Variants in SLC13A3 observed in about 807,000 individuals in gnomAD.
The protein encoded by SLC13A3 is Na(+)/dicarboxylate cotransporter 3.
In SLC13A3, 40 loss-of-function variants were observed where a neutral mutation model predicts 59.0. The ratio of observed to expected loss-of-function variants is 0.68; its 90% confidence interval spans 0.53 to 0.88. The LOEUF is 0.88. Among genes scored for constraint, SLC13A3 ranks in the 40% least tolerant of loss-of-function variants. The pLI, the probability that SLC13A3 is intolerant of heterozygous loss-of-function variation, is 0.00. For synonymous variants in SLC13A3, 317 were observed against 330.3 expected (o/e 0.96, Z 0.44); for missense variants, 699 against 783.2 (o/e 0.89, Z 1.28).
chr20:46,666,340 A>G (rs532948768), intron 1 of SLC13A3, among the ~76,000 whole-genome samples: 7 of 152,326 alleles, frequency 4.6e-5, no homozygotes, highest in African/African-American at 1.4e-4. Context: ...AACAGACAGA[A>G]AAGGGTTTGG....
At chr20:46,575,764 T>C (rs1038385656) in intron 9 of SLC13A3, 79 bp from the exon 10 acceptor site, 17 of 787,548 alleles carry the variant, frequency 2.2e-5, no homozygotes, top group Non-Finnish European at 2.1e-5. Context: ...AGCCCCATCT[T>C]ACCGGGGACA....
Position 46,588,091 on chromosome 20 carries a change from G to C in SLC13A3, c.1089C>G (p.Phe363Leu). 6.2e-7 allele frequency: 1 copy of C among 1,612,524 alleles called. No homozygotes were observed. The highest frequency in any genetic ancestry group is 8.5e-7 in the Non-Finnish European group (1 of 1,179,048). The change falls in exon 8 of 13, where the codon TTC becomes TTG. Residue 363 changes from phenylalanine (F) to leucine (L), a missense_variant. By Grantham distance (22) the Phe-to-Leu change is conservative (BLOSUM62 0). Transcript: ENST00000279027. ...TGAAGAGGCTGGCCCAGCCAGGGAT[G>C]AACTTCGGGTCCCGGGTGAAGAGGA... is the stretch of plus-strand genomic sequence containing the variant. Reference protein sequence around the residue: ...AILLFTRDPKFIPGWASLFNP... With the variant: ...AILLFTRDPKLIPGWASLFNP...
At chr20:46,583,791 A>T in intron 8 of SLC13A3, 122 bp from the exon 9 acceptor site, 5 of 1,492,180 alleles carry the variant, frequency 3.4e-6, no homozygotes, top group Non-Finnish European at 4.5e-6. Flanking sequence ...CCATTGTTGG[A>T]GGCTGGGCCA....
At chr20:46,604,287 G>A (rs987216279) in intron 3 of SLC13A3, among the ~76,000 whole-genome samples, 2 of 152,008 alleles carry the variant, frequency 1.3e-5, no homozygotes, top group African/African-American at 4.8e-5. Context: ...CCTGTCCTGG[G>A]TTCCTTTTAA....
In SLC13A3 at chr20:46,560,172, C is replaced by T; in HGVS notation, c.1659G>A (p.Leu553=). 6.2e-7 allele frequency: 1 copy of T among 1,614,158 alleles called. No homozygotes were observed. The highest frequency in any genetic ancestry group is 8.5e-7 in the Non-Finnish European group (1 of 1,180,010). The stretch of plus-strand genomic sequence containing the variant: ...CCAAACTGAGCAGCAGGACACCCAT[C>T]AGGTTCATCAGGAGGCCTGTCCGCA... ...DMVRTGLLMN[L]MGVLLLSLAM... Residue 553 remains leucine, a synonymous_variant, in exon 13 of 13, where the codon CTG becomes CTA. Coordinates refer to ENST00000279027, the MANE Select transcript of SLC13A3 (RefSeq NM_022829.6).
At chr20:46,647,272 A>T (rs2062904529) in intron 1 of SLC13A3, among the ~76,000 whole-genome samples, 1 of 152,068 alleles carries the variant, frequency 6.6e-6, no homozygotes, top group Non-Finnish European at 1.5e-5. Context: ...CTTTAGAGTC[A>T]CCTGTGAGTC....
chr20:46,621,952 C>T (rs750734979), intron 1 of SLC13A3, among the ~76,000 whole-genome samples: 14 of 152,194 alleles, frequency 9.2e-5, no homozygotes, highest in Admixed American at 2.0e-4. Context: ...AAATCCTCCA[C>T]AACTTATGCT....
chr20:46,584,321 A>G (rs953783500), intron 8 of SLC13A3: 9 of 985,296 alleles, frequency 9.1e-6, no homozygotes, highest in Admixed American at 1.2e-4. Flanking sequence ...TACAAATACA[A>G]CCAAGATACC....
intron 1 of SLC13A3, among the ~76,000 whole-genome samples, chr20:46,617,092 A>G (rs1325751012): frequency 6.6e-6 from 1 of 152,256 alleles, no homozygotes; most frequent in Non-Finnish European, 1.5e-5. Flanking sequence ...CTAGGAGAGC[A>G]GGGATTGTGT....
At chr20:46,648,712 CT>C (rs2062919872) in intron 1 of SLC13A3, among the ~76,000 whole-genome samples, 1 of 152,096 alleles carries the variant, frequency 6.6e-6, no homozygotes, top group Admixed American at 6.5e-5. Context: ...TGAGACCAGC[CT>C]GGGTGACATA....
At chr20:46,583,466 A>T in intron 9 of SLC13A3, 106 bp downstream of exon 9, 1 of 1,514,330 alleles carries the variant, frequency 6.6e-7, no homozygotes. Context: ...GAGAAGCAGG[A>T]AGGACCACGT....
chr20:46,562,395 T>C (rs1204692805), intron 12 of SLC13A3, among the ~76,000 whole-genome samples: 2 of 152,068 alleles, frequency 1.3e-5, no homozygotes, highest in East Asian at 3.9e-4. Flanking sequence ...TGCTGTGCCC[T>C]CCATTGGGAC....
intron 1 of SLC13A3, among the ~76,000 whole-genome samples, chr20:46,649,654 A>G (rs2062933790): frequency 6.6e-6 from 1 of 152,216 alleles, no homozygotes; most frequent in Admixed American, 6.5e-5. Context: ...CTAGCGGTGT[A>G]ATCGCTCCAC....
upstream of SLC13A3, among the ~76,000 whole-genome samples, chr20:46,654,961 C>T (rs2062973820): frequency 6.6e-6 from 1 of 152,158 alleles, no homozygotes; most frequent in Non-Finnish European, 1.5e-5. Context: ...CTGTTATTTT[C>T]TTTGAGCACT....
upstream of SLC13A3, among the ~76,000 whole-genome samples, chr20:46,656,231 TGTACA>T (rs2062989469): frequency 1.4e-5 from 2 of 143,622 alleles, no homozygotes; most frequent in African/African-American, 5.0e-5. Context: ...TGATGTAGAC[TGTACA>T]GTATATATTA....
chr20:46,676,628 C>G (rs1458736123), intron 1 of SLC13A3, among the ~76,000 whole-genome samples: 2 of 151,908 alleles, frequency 1.3e-5, no homozygotes, highest in East Asian at 3.9e-4. Context: ...CTGTGTCATC[C>G]AGGCTGGAGT....
At chr20:46,681,024 G>C (rs1370353175) in intron 1 of SLC13A3, among the ~76,000 whole-genome samples, 1 of 152,244 alleles carries the variant, frequency 6.6e-6, no homozygotes, top group East Asian at 1.9e-4. Flanking sequence ...TTTGTGAATA[G>C]AGAAGTGGCA....
intron 1 of SLC13A3, among the ~76,000 whole-genome samples, chr20:46,630,973 T>G (rs1185674712): frequency 6.6e-6 from 1 of 152,238 alleles, no homozygotes; most frequent in Admixed American, 6.5e-5. Flanking sequence ...GATTGATACA[T>G]ACAGTAGCTC....
upstream of SLC13A3, among the ~76,000 whole-genome samples, chr20:46,670,621 G>A (rs1275715387): frequency 1.3e-5 from 2 of 152,134 alleles, no homozygotes; most frequent in Non-Finnish European, 2.9e-5. Context: ...ATAGAGAGGG[G>A]CCCTGAAAGA....
Sources: gnomAD v4.1 joint callset for allele counts (sites outside exome capture counted in the v4.1 genomes callset) on GRCh38, gnomAD v4.1.1 for gene constraint, MANE v1.5 for transcripts, NCBI Gene and HGNC (gene_info 2026-07-23, HGNC 2026-07-21) for gene names.